NKAPD1: variants seen among roughly 807,000 people sequenced by gnomAD.
NKAPD1 encodes NKAP domain containing 1, also known as uncharacterized protein NKAPD1.
A neutral mutation model predicts 30.9 loss-of-function variants in NKAPD1; 12 were observed. That is an observed-to-expected ratio of 0.39 (90% CI 0.25 to 0.63). NKAPD1 has a LOEUF of 0.63. Among genes scored for constraint, NKAPD1 ranks in the 20% least tolerant of loss-of-function variants. The pLI, the probability that NKAPD1 is intolerant of heterozygous loss-of-function variation, is 0.51. For synonymous variants in NKAPD1, 91 were observed against 113.6 expected, an observed-to-expected ratio of 0.80 and a Z score of 1.26; for missense variants, 311 against 344.5, an observed-to-expected ratio of 0.90 and a Z score of 0.77.
chr11:112,075,728 C>G, intron 2 of NKAPD1, 85 bp downstream of exon 2: 2 of 1,382,134 alleles, frequency 1.4e-6, no homozygotes, highest in Non-Finnish European at 2.0e-6. Flanking sequence ...CTGGGAGATA[C>G]AAAGAATATT....
At position 112,084,500 on chromosome 11, in the gene NKAPD1, T is replaced by G. The variant is rs1865533320; in HGVS notation, c.*1528T>G. The G allele has an allele frequency of 6.6e-6, 1 of 152,622 alleles. No homozygotes were observed. Among genetic ancestry groups the G allele is most frequent in the Non-Finnish European group, 1.5e-5 (1 of 68,032 alleles). 9.5% of individuals were successfully genotyped at this position (152,622 alleles called of 1,614,324 possible). On this transcript the variant is annotated 3_prime_UTR_variant, in exon 6 of 6. Transcript: ENST00000393047. ...GTGTTCCATGGTGTGTATTTTTATT[T>G]TTGGGATTAGTGGGGGTCTAAAGGG...
Position 112,082,953 on chromosome 11 carries a change from A to C in NKAPD1, c.863A>C (p.Glu288Ala). 4 of 1,598,834 alleles carry C rather than the reference A, an allele frequency of 2.5e-6. No individual in the cohort carries two copies. Among genetic ancestry groups the C allele is most frequent in the Non-Finnish European group, 3.4e-6 (4 of 1,176,052 alleles). Residue 288 changes from glutamate (E) to alanine (A), a missense_variant, in exon 6 of 6, where the codon GAG (glutamate) becomes GCG (alanine). By Grantham distance (107) the Glu-to-Ala change is moderately radical (BLOSUM62 -1). Transcript: ENST00000393047. The stretch of plus-strand genomic sequence containing the variant: ...GTAGCTACAGATGAAAGGTCTGCTG[A>C]GAGCTCAGAGGATGACTAAATGGGA... ...WKVATDERSAESSEDD is the reference protein window; with the variant it reads ...WKVATDERSAASSEDD
chr11:112,078,365 C>A, intron 3 of NKAPD1, 50 bp downstream of exon 3: 1 of 1,406,962 alleles, frequency 7.1e-7, no homozygotes. Context: ...TTTTCAGAAT[C>A]ATCAACTTTT....
chr11:112,075,826 A>C (rs1370718052), intron 2 of NKAPD1, 183 bp downstream of exon 2: 2 of 619,492 alleles, frequency 3.2e-6, no homozygotes, highest in Non-Finnish European at 5.4e-6. Context: ...TTTGATAAGT[A>C]CTGTATAACA....
chr11:112,081,979 C>T lies in NKAPD1; in HGVS notation c.321-3C>T, dbSNP rs1388146628. 8 of 1,611,650 alleles carry T rather than the reference C, an allele frequency of 5.0e-6. No homozygotes were observed. The highest frequency in any genetic ancestry group is 5.9e-6 in the Non-Finnish European group (7 of 1,178,268). ...ACAATACATGTGATGTGTCATATTA[C>T]AGATGGGGTCACAGTGGTTATAAAG... On this transcript the variant is annotated splice_polypyrimidine_tract_variant and splice_region_variant and intron_variant, in intron 4 of 5. Transcript: ENST00000393047.
rs113949258 is a variant in NKAPD1, at chr11:112,079,427, G to A, written c.171-982G>A. Among the ~76,000 whole-genome samples the A allele has an allele frequency of 4.9e-3, 747 of 152,096 alleles. 9 individuals are homozygous for A. The highest frequency in any genetic ancestry group is 0.018 in the African/African-American group (729 of 41,480). ...CTCCCAAAGTGCTGGGATTACAGGC[G>A]TGAGCCACTGGACCTGGCCCCTTAA... On this transcript the variant is annotated intron_variant, in intron 3 of 5. Coordinates refer to ENST00000393047, the MANE Select transcript of NKAPD1 (RefSeq NM_018195.4).
rs1865257845 is a variant in NKAPD1 at position 112,074,346 on chromosome 11, G to C, written c.-579G>C. 5.0e-6 allele frequency: 2 copies of C among 399,260 alleles called. No homozygotes were observed. Among genetic ancestry groups the C allele is most frequent in the Non-Finnish European group, 8.8e-6 (2 of 226,264 alleles). The allele number at this position is 399,260 out of a possible 1,614,324, so 24.7% of individuals were successfully genotyped here. On this transcript the variant is annotated 5_prime_UTR_variant, in exon 1 of 6. Coordinates refer to ENST00000393047, the MANE Select transcript of NKAPD1 (RefSeq NM_018195.4). ...TCCCCCCTACCCCCCGCCACGCGAG[G>C]CTGCGGCGCACGGTATGGGTGTGTT...
At chr11:112,075,739 C>G in intron 2 of NKAPD1, 96 bp downstream of exon 2, 1 of 1,308,474 alleles carries the variant, frequency 7.6e-7, no homozygotes, top group East Asian at 2.5e-5. Flanking sequence ...AAAGAATATT[C>G]TTGTCATCTA....
In NKAPD1 at chr11:112,084,329, TG is replaced by T. The variant is rs1317240213; in HGVS notation, c.*1358del. 1 of 152,650 alleles carries T rather than the reference TG, an allele frequency of 6.6e-6. No homozygotes were observed. Among genetic ancestry groups the T allele is most frequent in the Non-Finnish European group, 1.5e-5 (1 of 68,046 alleles). The allele number at this position is 152,650 out of a possible 1,614,324, so 9.5% of individuals were successfully genotyped here. On this transcript the variant is annotated 3_prime_UTR_variant, in exon 6 of 6. Transcript: ENST00000393047. ...TATTTTTAGTTCTAACTGCTAAATTTGTTCTCTTTACGGGACAGATTTCTAA... is the reference window on the plus strand; with the variant it reads ...TATTTTTAGTTCTAACTGCTAAATTTTTCTCTTTACGGGACAGATTTCTAA...
chr11:112,084,254 G>T lies in NKAPD1; in HGVS notation c.*1282G>T, dbSNP rs2135258188. The T allele has an allele frequency of 6.5e-6, 1 of 152,718 alleles. No homozygotes were observed. Among genetic ancestry groups the T allele is most frequent in the East Asian group, 1.9e-4 (1 of 5,186 alleles). 9.5% of individuals were successfully genotyped at this position (152,718 alleles called of 1,614,324 possible). ...GGAATTACTTCACAGTAGCATGACA[G>T]TATAAGACACCAGCAGTAGATACAA... On this transcript the variant is annotated 3_prime_UTR_variant, in exon 6 of 6. Coordinates refer to ENST00000393047, the MANE Select transcript of NKAPD1 (RefSeq NM_018195.4).
At chr11:112,081,661 G>T in intron 4 of NKAPD1, 1 of 243,026 alleles carries the variant, frequency 4.1e-6, no homozygotes, top group Non-Finnish European at 7.9e-6. Context: ...TCCCCATGTA[G>T]ACAGCATGAT....
In NKAPD1 at chr11:112,082,694, C is replaced by A. The variant is rs762140307; in HGVS notation, c.604C>A (p.Gln202Lys). The change falls in exon 6 of 6, where the codon CAA (glutamine) becomes AAA (lysine). Residue 202 changes from glutamine to lysine, a missense_variant. Transcript: ENST00000393047. The part of the protein sequence containing the change: ...TGASGTRKGK[Q>K]PHKRKKKSRK... The stretch of plus-strand genomic sequence containing the variant: ...GGCTTCTGGTACAAGGAAAGGGAAA[C>A]AACCACATAAACGCAAGAAAAAATC... 1 of 1,613,974 alleles carries A rather than the reference C, an allele frequency of 6.2e-7. No individual in the cohort carries two copies. Among genetic ancestry groups the A allele is most frequent in the South Asian group, 1.1e-5 (1 of 91,036 alleles).
chr11:112,076,926 T>G (rs1010152275), intron 2 of NKAPD1, among the ~76,000 whole-genome samples: 1 of 152,172 alleles, frequency 6.6e-6, no homozygotes, highest in African/African-American at 2.4e-5. Flanking sequence ...GTGAGGTGCT[T>G]ATAGGATGTC....
Position 112,075,647 on chromosome 11 carries a change from G to T in NKAPD1, c.69+4G>T. 1 of 1,607,790 alleles carries T rather than the reference G, an allele frequency of 6.2e-7. No homozygotes were observed. Among genetic ancestry groups the T allele is most frequent in the African/African-American group, 1.3e-5 (1 of 74,492 alleles). On this transcript the variant is annotated splice_donor_region_variant and intron_variant, in intron 2 of 5. Coordinates refer to ENST00000393047, the MANE Select transcript of NKAPD1 (RefSeq NM_018195.4). ...GCACACAGATGCTCACAATAAGGTG[G>T]GAGGTACAACCTAGTTACTCCTCAA...
In NKAPD1 at chr11:112,078,319, A is replaced by T. The variant is rs1274000157; in HGVS notation, c.170+4A>T. The stretch of plus-strand genomic sequence containing the variant: ...AAATGCTACCCAGCAGTTCAAGGTG[A>T]AGTTGCAGCTCTGAGAACTAAAATA... On this transcript the variant is annotated splice_donor_region_variant and intron_variant, in intron 3 of 5. Transcript: ENST00000393047. 1 of 1,596,836 alleles carries T rather than the reference A, an allele frequency of 6.3e-7. No homozygotes were observed. The highest frequency in any genetic ancestry group is 8.6e-7 in the Non-Finnish European group (1 of 1,166,514).
At position 112,080,545 on chromosome 11, in the gene NKAPD1, A is replaced by G. The variant is rs765385923; in HGVS notation, c.307A>G (p.Asn103Asp). The G allele has an allele frequency of 6.2e-7, 1 of 1,613,754 alleles. No homozygotes were observed. Among genetic ancestry groups the G allele is most frequent in the East Asian group, 2.2e-5 (1 of 44,850 alleles). The change falls in exon 4 of 6, where the codon AAC becomes GAC. Residue 103 changes from asparagine (N) to aspartate (D), a missense_variant. Transcript: ENST00000393047. ...WNKKFYDYEA[N>D]MPDRWGHSGY... ...TAAAAAGTTCTATGATTATGAAGCA[A>G]ACATGCCAGACAGGTTTGTGATTAA...
At chr11:112,082,227 G>T (rs1028147947) in intron 5 of NKAPD1, 192 bp downstream of exon 5, 2 of 696,218 alleles carry the variant, frequency 2.9e-6, no homozygotes, top group East Asian at 2.7e-5. Flanking sequence ...TAAGCATTTT[G>T]GTTTTTATAT....
chr11:112,083,047 C>G lies in NKAPD1; in HGVS notation c.*75C>G, dbSNP rs1320577808. The stretch of plus-strand genomic sequence containing the variant: ...ACTCCTTGTGGTTTTGCCAGTGACT[C>G]TTGTTCAGCACGGGGCCTGAGGTCA... On this transcript the variant is annotated 3_prime_UTR_variant, in exon 6 of 6. Coordinates refer to ENST00000393047, the MANE Select transcript of NKAPD1 (RefSeq NM_018195.4). 1.7e-5 allele frequency: 26 copies of G among 1,486,278 alleles called. No homozygotes were observed. The East Asian group carries it at 5.3e-4, about 30-fold the overall frequency. 92.1% of individuals were successfully genotyped at this position (1,486,278 alleles called of 1,614,324 possible). A position where few individuals can be genotyped will look rare whatever the true frequency, so the allele number is the denominator to read the frequency against.
intron 2 of NKAPD1, 31 bp from the exon 3 acceptor site, chr11:112,078,184 C>T (rs1253910087): frequency 1.3e-6 from 2 of 1,506,148 alleles, no homozygotes; most frequent in Non-Finnish European, 1.8e-6. Context: ...TTTTTAGTAA[C>T]TTATTTTTAT....
Sources: allele counts gnomAD v4.1 joint callset (sites outside exome capture counted in the v4.1 genomes callset), GRCh38; gene constraint gnomAD v4.1.1; transcripts MANE v1.5; gene names NCBI Gene and HGNC (gene_info 2026-07-23, HGNC 2026-07-21).